Variants in LIN28A observed in about 807,000 individuals in gnomAD.
LIN28A encodes the protein lin-28 RNA binding posttranscriptional regulator A.
LIN28A carries 11 observed loss-of-function variants against 21.1 expected under a neutral mutation model. The ratio of observed to expected loss-of-function variants is 0.52; its 90% CI spans 0.33 to 0.86. The LOEUF is 0.86. Ranked by LOEUF, LIN28A falls within the 40% of genes least tolerant of loss-of-function variation. LIN28A has a pLI of 0.03. For missense variants in LIN28A, 219 were observed against 279.8 expected (o/e 0.78, Z 1.55); for synonymous variants, 111 against 108.7 (o/e 1.02, Z -0.13).
Position 26,426,801 on chromosome 1 carries a change from A to G in LIN28A, c.*343A>G. ...TTCCTTTTAAAGAAGGATATATAAT[A>G]ATTCCCATGCCAGAGTGAAATGATT... On this transcript the variant is annotated 3_prime_UTR_variant, in exon 4 of 4. Coordinates refer to ENST00000326279, the MANE Select transcript of LIN28A (RefSeq NM_024674.6). The G allele has an allele frequency of 7.4e-6, 2 of 269,268 alleles. No individual in the cohort carries two copies. Among genetic ancestry groups the G allele is most frequent in the East Asian group, 9.1e-5 (1 of 10,936 alleles). 16.7% of individuals were successfully genotyped at this position (269,268 alleles called of 1,614,324 possible).
In LIN28A at chr1:26,426,475, G is replaced by T. The variant is rs777591401; in HGVS notation, c.*17G>T. ...CAGAATTGAGCCACAATGGGTGGGG[G>T]CTATTCTTTTGCTATCAGGAAGTTT... On this transcript the variant is annotated 3_prime_UTR_variant, in exon 4 of 4. Transcript: ENST00000326279. The T allele has an allele frequency of 3.7e-6, 6 of 1,602,514 alleles. No individual in the cohort carries two copies. Among genetic ancestry groups the T allele is most frequent in the Non-Finnish European group, 5.1e-6 (6 of 1,169,630 alleles).
intron 2 of LIN28A, among the ~76,000 whole-genome samples, chr1:26,418,245 A>C (rs2075006820): frequency 6.6e-6 from 1 of 152,148 alleles, no homozygotes; most frequent in African/African-American, 2.4e-5. Context: ...TGTTATCAAA[A>C]AAAGAAAAAG....
In LIN28A at chr1:26,411,680, G is replaced by A. The variant is rs982713283; in HGVS notation, c.228+98G>A. 1.7e-5 allele frequency: 21 copies of A among 1,254,190 alleles called. No individual in the cohort carries two copies. Among genetic ancestry groups the A allele is most frequent in the Non-Finnish European group, 7.9e-6 (7 of 881,872 alleles). The allele number at this position is 1,254,190 out of a possible 1,614,324, so 77.7% of individuals were successfully genotyped here. The stretch of plus-strand genomic sequence containing the variant: ...TCGCAGTTGAATTGAGGGCCATCGG[G>A]AGCCCTCATTATGCATCCCTGTCTT... On this transcript the variant is annotated intron_variant, in intron 2 of 3. Coordinates refer to ENST00000326279, the MANE Select transcript of LIN28A (RefSeq NM_024674.6). This position sits in a 1 kb window ranked among gnomAD's most constrained non-coding sequence, Gnocchi z 5.4.
intron 2 of LIN28A, among the ~76,000 whole-genome samples, chr1:26,422,744 T>A (rs1360323036): frequency 6.6e-6 from 1 of 152,230 alleles, no homozygotes. Flanking sequence ...GTTGCTACAC[T>A]GCTGATTATA....
Position 26,425,440 on chromosome 1 carries a change from G to T in LIN28A, c.366G>T (p.Arg122Ser). ...GAGTATTCTGTATTGGGAGTGAGAG[G>T]CGGCCAAAAGGAAAGAGCATGCAGA... is the stretch of plus-strand genomic sequence containing the variant. ...PGGVFCIGSE[R>S]RPKGKSMQKR... Residue 122 changes from arginine to serine, a missense_variant, in exon 3 of 4, where the codon AGG (arginine) becomes AGT (serine). By Grantham distance (110) the Arg-to-Ser change is moderately radical. Transcript: ENST00000326279. 2 of 1,614,120 alleles carry T rather than the reference G, an allele frequency of 1.2e-6. No homozygotes were observed. The highest frequency in any genetic ancestry group is 1.7e-6 in the Non-Finnish European group (2 of 1,180,024).
At chr1:26,425,983 TG>T (rs1301711711) in intron 3 of LIN28A, among the ~76,000 whole-genome samples, 1 of 152,188 alleles carries the variant, frequency 6.6e-6, no homozygotes, top group Non-Finnish European at 1.5e-5. Flanking sequence ...AGTTCCTAGT[TG>T]GGGTCAGTAA....
Position 26,426,635 on chromosome 1 carries a change from A to T in LIN28A, c.*177A>T, listed in dbSNP as rs2075061372. 1.7e-6 allele frequency: 1 copy of T among 604,674 alleles called. No homozygotes were observed. The highest frequency in any genetic ancestry group is 1.9e-5 in the African/African-American group (1 of 53,438). 37.5% of individuals were successfully genotyped at this position (604,674 alleles called of 1,614,324 possible). A position where few individuals can be genotyped will look rare whatever the true frequency, so the allele number is the denominator to read the frequency against. ...TGGGGGGAAAGGGTGAGTCAAAGGA[A>T]CTCCAACCATGCTCTGTCCAAATGC... On this transcript the variant is annotated 3_prime_UTR_variant, in exon 4 of 4. Coordinates refer to ENST00000326279, the MANE Select transcript of LIN28A (RefSeq NM_024674.6).
intron 2 of LIN28A, among the ~76,000 whole-genome samples, chr1:26,424,241 T>C (rs1215064703): frequency 6.6e-6 from 1 of 152,100 alleles, no homozygotes; most frequent in Non-Finnish European, 1.5e-5. Context: ...ATTTTATTTT[T>C]ATTTTATTTA....
chr1:26,419,230 C>T (rs867832081), intron 2 of LIN28A, among the ~76,000 whole-genome samples: 2 of 142,148 alleles, frequency 1.4e-5, no homozygotes, highest in South Asian at 4.8e-4. Flanking sequence ...GAGAGGAATT[C>T]AAACTATGTG....
rs906006900 is a variant in LIN28A at position 26,427,345 on chromosome 1, A to G, written c.*887A>G. The G allele has an allele frequency of 6.6e-6, 1 of 152,618 alleles. No homozygotes were observed. Among genetic ancestry groups the G allele is most frequent in the African/African-American group, 2.4e-5 (1 of 41,444 alleles). 9.5% of individuals were successfully genotyped at this position (152,618 alleles called of 1,614,324 possible). On this transcript the variant is annotated 3_prime_UTR_variant, in exon 4 of 4. Coordinates refer to ENST00000326279, the MANE Select transcript of LIN28A (RefSeq NM_024674.6). ...GCCACCGTGGAGAGCAACTATTTGGAGTGCACAGCCTATTGAACTACCTCA... is the reference window on the plus strand; with the variant it reads ...GCCACCGTGGAGAGCAACTATTTGGGGTGCACAGCCTATTGAACTACCTCA...
chr1:26,425,552 T>C, intron 3 of LIN28A, 65 bp downstream of exon 3: 1 of 1,469,348 alleles, frequency 6.8e-7, no homozygotes, highest in South Asian at 1.2e-5. Flanking sequence ...ATCCTGTCAC[T>C]TTTTGGGTCA....
intron 2 of LIN28A, among the ~76,000 whole-genome samples, chr1:26,413,800 T>G (rs191969662): frequency 9.4e-6 from 1 of 106,374 alleles, no homozygotes; most frequent in East Asian, 2.0e-4. Context: ...CTTGTTTTTT[T>G]GTTTGTTTGT....
intron 2 of LIN28A, among the ~76,000 whole-genome samples, chr1:26,415,991 T>A (rs1047619619): frequency 2.6e-5 from 4 of 152,124 alleles, no homozygotes; most frequent in Admixed American, 2.6e-4. Flanking sequence ...GTCTTTTTTT[T>A]ATTTTTATTT....
Position 26,426,658 on chromosome 1 carries a change from T to C in LIN28A, c.*200T>C. ...GAACTCCAACCATGCTCTGTCCAAA[T>C]GCAAGTGAGGGTTCTGGGGGCAACC... On this transcript the variant is annotated 3_prime_UTR_variant, in exon 4 of 4. Coordinates refer to ENST00000326279, the MANE Select transcript of LIN28A (RefSeq NM_024674.6). 1 of 569,232 alleles carries C rather than the reference T, an allele frequency of 1.8e-6. No individual in the cohort carries two copies. Among genetic ancestry groups the C allele is most frequent in the South Asian group, 2.0e-5 (1 of 49,428 alleles). 35.3% of individuals were successfully genotyped at this position (569,232 alleles called of 1,614,324 possible). A position where few individuals can be genotyped will look rare whatever the true frequency, so the allele number is the denominator to read the frequency against.
intron 2 of LIN28A, among the ~76,000 whole-genome samples, chr1:26,419,120 G>C (rs1436223542): frequency 6.6e-6 from 1 of 152,076 alleles, no homozygotes; most frequent in African/African-American, 2.4e-5. Context: ...TGTGTGGTTG[G>C]GGGTGGAATG....
In LIN28A at chr1:26,425,282, T is replaced by C. The variant is rs1024669747; in HGVS notation, c.229-21T>C. ...AATAATGGAAATTAATGTTAAAATT[T>C]ACTGCATTTCCCTTCACCAGAGTAA... On this transcript the variant is annotated intron_variant, in intron 2 of 3. Transcript: ENST00000326279. The C allele has an allele frequency of 4.4e-6, 7 of 1,602,456 alleles. No homozygotes were observed. In the African/African-American group the frequency reaches 8.1e-5, roughly 18 times the overall value.
intron 2 of LIN28A, among the ~76,000 whole-genome samples, chr1:26,416,757 A>G (rs891623077): frequency 6.6e-6 from 1 of 152,114 alleles, no homozygotes; most frequent in Non-Finnish European, 1.5e-5. Context: ...AGCTGGGATT[A>G]GAGGCACCTG....
At chr1:26,415,478 T>C (rs1439352358) in intron 2 of LIN28A, among the ~76,000 whole-genome samples, 1 of 152,132 alleles carries the variant, frequency 6.6e-6, no homozygotes, top group African/African-American at 2.4e-5. Flanking sequence ...ACCCATAAGC[T>C]CTTTGAAGGG....
chr1:26,425,840 T>A (rs1329026847), intron 3 of LIN28A, among the ~76,000 whole-genome samples: 1 of 152,232 alleles, frequency 6.6e-6, no homozygotes, highest in East Asian at 1.9e-4. Flanking sequence ...CTTTACCAGG[T>A]CTGCAAATGG....
Sources: gnomAD v4.1 joint callset for allele counts (sites outside exome capture counted in the v4.1 genomes callset) on GRCh38, gnomAD v4.1.1 for gene constraint, Gnocchi (gnomAD v3.1) non-coding constraint, MANE v1.5 for transcripts, NCBI Gene and HGNC (gene_info 2026-07-23, HGNC 2026-07-21) for gene names.